Variants in NPEPL1 observed in about 807,000 individuals in gnomAD.
NPEPL1 encodes probable aminopeptidase NPEPL1.
In NPEPL1, 45 loss-of-function variants were observed where a neutral mutation model predicts 52.4. The ratio of observed to expected loss-of-function variants is 0.86; its 90% CI spans 0.68 to 1.10. The LOEUF is 1.10. NPEPL1 is among the 50% of genes least tolerant of loss of function. The pLI, the probability that NPEPL1 is intolerant of heterozygous loss-of-function variation, is 0.00. For missense variants in NPEPL1, 696 were observed against 710.9 expected (o/e 0.98, Z 0.24); for synonymous variants, 360 against 314.7 (o/e 1.14, Z -1.52).
Position 58,714,072 on chromosome 20 carries a change from G to A in NPEPL1, c.1281G>A (p.Ala427=), listed in dbSNP as rs908401393. The part of the protein sequence containing the change: ...LHFSEFTSAV[A]DMKNSVADRD... The stretch of plus-strand genomic sequence containing the variant: ...TCAGCGAGTTCACCTCAGCTGTGGC[G>A]GACATGAAGAACTCAGTGGCGGTAG... The change falls in exon 10 of 12, where the codon GCG becomes GCA. Residue 427 remains alanine (A), a synonymous_variant. Transcript: ENST00000356091. The A allele has an allele frequency of 2.5e-5, 39 of 1,549,416 alleles. No individual in the cohort carries two copies. The highest frequency in any genetic ancestry group is 5.5e-5 in the African/African-American group (4 of 72,722).
intron 3 of NPEPL1, among the ~76,000 whole-genome samples, chr20:58,694,970 GTGC>G: frequency 2.7e-5 from 1 of 36,852 alleles, no homozygotes; most frequent in Non-Finnish European, 6.1e-5. Context: ...ATGAGTGTAT[GTGC>G]ATGTGTTGTA....
At chr20:58,706,833 T>A (rs1210974581) in intron 6 of NPEPL1, among the ~76,000 whole-genome samples, 1 of 152,190 alleles carries the variant, frequency 6.6e-6, no homozygotes, top group Non-Finnish European at 1.5e-5. Context: ...TCTCCTCGGG[T>A]TCCCCCTCCG....
In NPEPL1 at chr20:58,693,743, C is replaced by T; in HGVS notation, c.157C>T (p.Gln53Ter). The change falls in exon 2 of 12, where the codon CAG becomes TAG. Residue 53 changes from glutamine to a stop codon, truncating the protein, a stop_gained. Coordinates refer to ENST00000356091, the MANE Select transcript of NPEPL1 (RefSeq NM_024663.4). LOFTEE classifies it high-confidence loss of function. Reference sequence around the variant, plus strand: ...TCTCTCCCTTCTGATCTAGCTCTGGCAGGCTGCCCTGAGCACGCTCAACCC... The same window carrying T: ...TCTCTCCCTTCTGATCTAGCTCTGGTAGGCTGCCCTGAGCACGCTCAACCC... ...LQPRVTEELWQAALSTLNPNP... is the reference protein window; with the variant it reads ...LQPRVTEELW 6.2e-7 allele frequency: 1 copy of T among 1,602,750 alleles called. No homozygotes were observed. Among genetic ancestry groups the T allele is most frequent in the Non-Finnish European group, 8.5e-7 (1 of 1,171,474 alleles).
Position 58,698,740 on chromosome 20 carries a change from C to G in NPEPL1, c.564C>G (p.Pro188=). The G allele has an allele frequency of 1.2e-6, 2 of 1,613,026 alleles. No homozygotes were observed. Among genetic ancestry groups the G allele is most frequent in the Non-Finnish European group, 1.7e-6 (2 of 1,179,856 alleles). ...TAGCAGCCCGCATCGTGGACACACC[C>G]TGCAATGAGATGAACACCGACACCT... ...VRLAARIVDT[P]CNEMNTDTFL... Residue 188 remains proline (P), a synonymous_variant, in exon 4 of 12, where the codon CCC becomes CCG. Coordinates refer to ENST00000356091, the MANE Select transcript of NPEPL1 (RefSeq NM_024663.4).
chr20:58,692,211 A>C, upstream of NPEPL1: 1 of 266,444 alleles, frequency 3.8e-6, no homozygotes, highest in Non-Finnish European at 7.2e-6. This position sits in a 1 kb window ranked among gnomAD's most constrained non-coding sequence, Gnocchi z 5.7. Flanking sequence ...CGTCCCTGTC[A>C]CCCTCTCACA....
chr20:58,713,184 G>T lies in NPEPL1; in HGVS notation c.1002-236G>T, dbSNP rs1210549546. The T allele has an allele frequency of 6.0e-6, 3 of 503,656 alleles. No individual in the cohort carries two copies. Among genetic ancestry groups the T allele is most frequent in the Non-Finnish European group, 1.1e-5 (3 of 284,580 alleles). The allele number at this position is 503,656 out of a possible 1,614,324, so 31.2% of individuals were successfully genotyped here. On this transcript the variant is annotated intron_variant, in intron 8 of 11. Transcript: ENST00000356091. The surrounding 1 kb of genome is among the most constrained non-coding windows in gnomAD (Gnocchi z 4.6). ...TGAGGCATGGGAGAGCCAAATGGCT[G>T]GTCTCTGGCTCTCCAGAGCAGCGGG...
At chr20:58,704,054 C>G (rs1763730885) in intron 6 of NPEPL1, 3 of 985,250 alleles carry the variant, frequency 3.0e-6, no homozygotes, top group South Asian at 4.7e-5. Flanking sequence ...AACCAGCAGG[C>G]CTTTCCTGAG....
At chr20:58,704,253 C>T (rs2084694229) in intron 6 of NPEPL1, 1 of 984,956 alleles carries the variant, frequency 1.0e-6, no homozygotes, top group African/African-American at 1.7e-5. Flanking sequence ...AAAAAGCAAG[C>T]CGGCTGGAGC....
rs1360567393 is a variant in NPEPL1 at position 58,701,141 on chromosome 20, C to T, written c.805C>T (p.Leu269Phe). Residue 269 changes from leucine to phenylalanine, a missense_variant, in exon 6 of 12, where the codon CTC (leucine) becomes TTC (phenylalanine). Coordinates refer to ENST00000356091, the MANE Select transcript of NPEPL1 (RefSeq NM_024663.4). ...AGGCATCGTCTATGACACTGGAGGC[C>T]TCAGCATCAAAGGGAAGGTGAGGTG... Reference protein sequence around the residue: ...GKGIVYDTGGLSIKGKTTMPG... With the variant: ...GKGIVYDTGGFSIKGKTTMPG... 1.3e-6 allele frequency: 2 copies of T among 1,573,168 alleles called. No homozygotes were observed. The highest frequency in any genetic ancestry group is 2.4e-5 in the South Asian group (2 of 84,826).
At chr20:58,693,477 T>G in intron 1 of NPEPL1, 1 of 412,164 alleles carries the variant, frequency 2.4e-6, no homozygotes, top group East Asian at 3.8e-5. Flanking sequence ...TATCCGAGTG[T>G]TGGAAGCAAA....
At chr20:58,712,760 A>C (rs2084878739) in intron 8 of NPEPL1, 181 bp downstream of exon 8, 1 of 687,284 alleles carries the variant, frequency 1.5e-6, no homozygotes, top group Non-Finnish European at 2.7e-6. Context: ...CCTCACGTTG[A>C]GGGGCCCATG....
intron 3 of NPEPL1, among the ~76,000 whole-genome samples, chr20:58,696,963 C>T (rs927045456): frequency 2.6e-5 from 4 of 152,216 alleles, no homozygotes; most frequent in African/African-American, 9.6e-5. Flanking sequence ...ATCTGACACC[C>T]ACGTGGCCTG....
At position 58,713,846 on chromosome 20, in the gene NPEPL1, T is replaced by C. The variant is rs2123155663; in HGVS notation, c.1126-71T>C. The C allele has an allele frequency of 2.9e-6, 4 of 1,382,708 alleles. No homozygotes were observed. The East Asian group carries it at 1.1e-4, about 38-fold the overall frequency. 85.7% of individuals were successfully genotyped at this position (1,382,708 alleles called of 1,614,324 possible). A position where few individuals can be genotyped will look rare whatever the true frequency, so the allele number is the denominator to read the frequency against. On this transcript the variant is annotated intron_variant, in intron 9 of 11. Coordinates refer to ENST00000356091, the MANE Select transcript of NPEPL1 (RefSeq NM_024663.4). The surrounding 1 kb of genome is among the most constrained non-coding windows in gnomAD (Gnocchi z 4.6). ...CCTTATTTCTCTGTCTGCCTCCCGG[T>C]CCCTCTTTTGCCTTGGGTGTTTCTC...
In NPEPL1 at chr20:58,707,143, G is replaced by A. The variant is rs764398793; in HGVS notation, c.843G>A (p.Lys281=). Residue 281 remains lysine, a synonymous_variant, in exon 7 of 12, where the codon AAG becomes AAA. Coordinates refer to ENST00000356091, the MANE Select transcript of NPEPL1 (RefSeq NM_024663.4). ...IKGKTTMPGM[K]RDCGGAAAVL... is the part of the protein sequence containing the mutation. ...CGCAGACTACCATGCCGGGGATGAAGCGAGACTGCGGGGGTGCTGCGGCCG... is the reference window on the plus strand; with the variant it reads ...CGCAGACTACCATGCCGGGGATGAAACGAGACTGCGGGGGTGCTGCGGCCG... 63 of 1,552,464 alleles carry A rather than the reference G, an allele frequency of 4.1e-5. 1 individual carries two copies. In the South Asian group the frequency reaches 4.3e-4, roughly 11 times the overall value.
chr20:58,712,447 C>A, intron 7 of NPEPL1, 32 bp from the exon 8 acceptor site: 1 of 1,494,378 alleles, frequency 6.7e-7, no homozygotes, highest in Admixed American at 1.7e-5. Context: ...CTATGACCTA[C>A]AACTGGAGCC....
At position 58,699,878 on chromosome 20, in the gene NPEPL1, G is replaced by A. The variant is rs79364480; in HGVS notation, c.679+600G>A. Among the ~76,000 whole-genome samples the A allele has an allele frequency of 2.0e-3, 298 of 152,344 alleles. 3 individuals are homozygous for A. The East Asian group carries it at 0.043, about 22-fold the overall frequency. On this transcript the variant is annotated intron_variant, in intron 5 of 11. Coordinates refer to ENST00000356091, the MANE Select transcript of NPEPL1 (RefSeq NM_024663.4). ...TGTGTGGCTACAAAACAAATCACTC[G>A]GAAGATAGCAGCTGAATGCAGCAAC...
intron 7 of NPEPL1, among the ~76,000 whole-genome samples, chr20:58,712,106 TGTGTAC>T (rs200786528): frequency 4.7e-4 from 49 of 103,676 alleles, no homozygotes; most frequent in East Asian, 1.9e-3. Context: ...CCCCTCTGTG[TGTGTAC>T]GTGTGTGTGT....
intron 7 of NPEPL1, chr20:58,711,099 T>TCCC (rs2084829571): frequency 2.7e-5 from 1 of 36,546 alleles, no homozygotes; most frequent in African/African-American, 2.0e-4. Context: ...CCTCTCCTCC[T>TCCC]CCTCCTCCCC....
intron 10 of NPEPL1, 96 bp from the exon 11 acceptor site, chr20:58,714,464 C>A: frequency 1.1e-6 from 1 of 891,098 alleles, no homozygotes; most frequent in Non-Finnish European, 1.7e-6. Context: ...CCACCCCGAG[C>A]TCCTTGCAGA....
Sources: allele counts gnomAD v4.1 joint callset (sites outside exome capture counted in the v4.1 genomes callset), GRCh38; gene constraint gnomAD v4.1.1; non-coding constraint Gnocchi (gnomAD v3.1); transcripts MANE v1.5; gene names NCBI Gene and HGNC (gene_info 2026-07-23, HGNC 2026-07-21).